Variants in PTPRD observed in about 807,000 individuals in gnomAD.
PTPRD encodes protein tyrosine phosphatase receptor type D.
PTPRD carries 34 observed loss-of-function variants against 214.5 expected under a neutral mutation model. The observed-to-expected ratio is 0.16, with a 90% CI of 0.12 to 0.21. The LOEUF (loss-of-function observed/expected upper bound fraction) is 0.21. Ranked by LOEUF, PTPRD falls within the 10% of genes least tolerant of loss-of-function variation. The probability of loss-of-function intolerance (pLI) is 1.00; values close to 1 mark genes in which losing one functional copy is unlikely to be tolerated. For missense variants in PTPRD, 2,545 were observed against 2,398.7 expected (o/e 1.06, Z -1.27); for synonymous variants, 1,128 against 845.7 (o/e 1.33, Z -5.79).
intron 3 of PTPRD, among the ~76,000 whole-genome samples, chr9:10,085,244 C>A (rs2098314271): frequency 6.6e-6 from 1 of 151,902 alleles, no homozygotes; most frequent in South Asian, 2.1e-4. Context: ...GCCTTCTCAA[C>A]TGACGTGGCG....
At chr9:9,628,625 A>C (rs2095494467) in intron 7 of PTPRD, among the ~76,000 whole-genome samples, 1 of 152,130 alleles carries the variant, frequency 6.6e-6, no homozygotes, top group Admixed American at 6.6e-5. Context: ...AAGTAACTAA[A>C]AAATACTATT....
intron 3 of PTPRD, among the ~76,000 whole-genome samples, chr9:10,272,428 G>A (rs2094472600): frequency 6.6e-6 from 1 of 152,070 alleles, no homozygotes; most frequent in African/African-American, 2.4e-5. Flanking sequence ...CAAATTTTGG[G>A]GTGGACATAT....
intron 3 of PTPRD, among the ~76,000 whole-genome samples, chr9:10,240,599 A>T (rs1341623708): frequency 6.6e-6 from 1 of 152,008 alleles, no homozygotes; most frequent in East Asian, 1.9e-4. Context: ...TAGTAACACA[A>T]TTTTAAGAAG....
chr9:9,750,516 C>T (rs2098506440), intron 6 of PTPRD, among the ~76,000 whole-genome samples: 1 of 152,054 alleles, frequency 6.6e-6, no homozygotes, highest in Admixed American at 6.6e-5. Flanking sequence ...CTACTTACCT[C>T]ACCATAACCA....
intron 5 of PTPRD, among the ~76,000 whole-genome samples, chr9:9,899,234 T>C (rs1042940513): frequency 5.9e-5 from 9 of 151,954 alleles, no homozygotes; most frequent in Non-Finnish European, 1.2e-4. Context: ...AAAGAACTCA[T>C]AGATCTAAAT....
chr9:8,789,753 C>T (rs761073261), intron 11 of PTPRD, among the ~76,000 whole-genome samples: 15 of 152,022 alleles, frequency 9.9e-5, no homozygotes, highest in Non-Finnish European at 1.6e-4. Flanking sequence ...CATCCCATAT[C>T]GGGAGGGGGT....
At chr9:8,610,661 T>G (rs948416823) in intron 14 of PTPRD, among the ~76,000 whole-genome samples, 14 of 152,222 alleles carry the variant, frequency 9.2e-5, no homozygotes, top group Non-Finnish European at 7.3e-5. Flanking sequence ...AATATTCAGT[T>G]CAATAGCCAA....
intron 12 of PTPRD, among the ~76,000 whole-genome samples, chr9:8,730,854 T>C (rs2098649489): frequency 6.6e-6 from 1 of 152,180 alleles, no homozygotes; most frequent in Non-Finnish European, 1.5e-5. Context: ...CGAACAGAAG[T>C]CGCATATGCC....
At chr9:8,514,214 T>C (rs1042296959) in intron 21 of PTPRD, among the ~76,000 whole-genome samples, 1 of 152,154 alleles carries the variant, frequency 6.6e-6, no homozygotes, top group African/African-American at 2.4e-5. Flanking sequence ...TACTTCTATA[T>C]TTTTCAATAG....
At chr9:10,414,274 T>C (rs879918533) in intron 2 of PTPRD, among the ~76,000 whole-genome samples, 2 of 151,538 alleles carry the variant, frequency 1.3e-5, no homozygotes, top group Non-Finnish European at 3.0e-5. Flanking sequence ...CATTAAAAAG[T>C]AGACAAATTA....
intron 8 of PTPRD, among the ~76,000 whole-genome samples, chr9:9,402,626 T>C (rs2071129316): frequency 6.6e-6 from 1 of 151,998 alleles, no homozygotes; most frequent in Admixed American, 6.6e-5. Context: ...AGATCAAGAT[T>C]AGAAATACCA....
intron 4 of PTPRD, among the ~76,000 whole-genome samples, chr9:10,011,205 C>T (rs1237017757): frequency 2.0e-5 from 3 of 151,892 alleles, no homozygotes; most frequent in Admixed American, 1.3e-4. Context: ...AGAACCTTGA[C>T]AGTGTTCCAA....
chr9:10,220,713 A>G (rs970990029), intron 3 of PTPRD, among the ~76,000 whole-genome samples: 5 of 151,902 alleles, frequency 3.3e-5, no homozygotes, highest in African/African-American at 1.2e-4. Flanking sequence ...TTATATTATT[A>G]TAAGATATAT....
Position 8,520,418 on chromosome 9 carries a change from G to A in PTPRD, c.961+859C>T, listed in dbSNP as rs528882396. Among the ~76,000 whole-genome samples, 8 of 152,112 alleles carry A rather than the reference G, an allele frequency of 5.3e-5. No homozygotes were observed. In the East Asian group the frequency reaches 1.4e-3, roughly 26 times the overall value. On this transcript the variant is annotated intron_variant, in intron 20 of 45. Transcript: ENST00000381196. Reference sequence around the variant, plus strand: ...TTTTCTAAGATCACCCCCTAGAATGGCAGCTTTTCAAGAGTAGCAAACTTG... The same window carrying A: ...TTTTCTAAGATCACCCCCTAGAATGACAGCTTTTCAAGAGTAGCAAACTTG...
chr9:9,344,531 CT>C (rs2048094370), intron 9 of PTPRD, among the ~76,000 whole-genome samples: 2 of 151,606 alleles, frequency 1.3e-5, no homozygotes, highest in Non-Finnish European at 2.9e-5. Flanking sequence ...GCTAACTCAT[CT>C]TTTTAATGAA....
intron 9 of PTPRD, among the ~76,000 whole-genome samples, chr9:9,383,961 T>A (rs1420680409): frequency 2.0e-5 from 3 of 151,962 alleles, no homozygotes; most frequent in South Asian, 4.1e-4. Flanking sequence ...CCCTGCTCAG[T>A]ATATTGACCA....
chr9:8,616,743 T>C (rs1412734744), intron 14 of PTPRD, among the ~76,000 whole-genome samples: 1 of 152,162 alleles, frequency 6.6e-6, no homozygotes, highest in Non-Finnish European at 1.5e-5. Flanking sequence ...AAGTGAGAGA[T>C]AAAGACTGCC....
At chr9:9,050,722 G>A (rs1854905) in intron 10 of PTPRD, among the ~76,000 whole-genome samples, 8,758 of 151,848 alleles carry the variant, frequency 0.058, 279 homozygotes, top group Middle Eastern at 0.12. Context: ...AGGTTATTAC[G>A]TTCACTGTTG....
intron 3 of PTPRD, among the ~76,000 whole-genome samples, chr9:10,104,507 T>C (rs1188731126): frequency 2.0e-5 from 3 of 151,748 alleles, no homozygotes; most frequent in Non-Finnish European, 4.4e-5. Context: ...ATATGCAATA[T>C]GATTATGTAA....
Sources: gnomAD v4.1 joint callset for allele counts (sites outside exome capture counted in the v4.1 genomes callset) on GRCh38, gnomAD v4.1.1 for gene constraint, MANE v1.5 for transcripts, NCBI Gene and HGNC (gene_info 2026-07-23, HGNC 2026-07-21) for gene names.